The following LRRK1 variants were observed in gnomAD, a reference collection of about 807,000 sequenced individuals.
The protein encoded by LRRK1 is leucine-rich repeat serine/threonine-protein kinase 1.
LRRK1 carries 113 observed loss-of-function variants against 209.1 expected under a neutral mutation model. The ratio of observed to expected loss-of-function variants is 0.54; its 90% CI spans 0.46 to 0.63. LRRK1 has a LOEUF of 0.63. Ranked by LOEUF, LRRK1 falls within the 30% of genes least tolerant of loss-of-function variation. LRRK1 has a pLI of 0.00. For synonymous variants in LRRK1, 1,144 were observed against 1,099.7 expected, an observed-to-expected ratio of 1.04 and a Z score of -0.80; for missense variants, 2,284 against 2,632.2, an observed-to-expected ratio of 0.87 and a Z score of 2.89.
At chr15:100,959,327 C>T (rs995701979) in intron 2 of LRRK1, among the ~76,000 whole-genome samples, 36 of 152,278 alleles carry the variant, frequency 2.4e-4, no homozygotes, top group South Asian at 4.1e-4. Context: ...ACCCAGCCTG[C>T]GGGCAGCCCT....
At chr15:100,935,480 G>T (rs1306730105) in intron 2 of LRRK1, among the ~76,000 whole-genome samples, 1 of 152,128 alleles carries the variant, frequency 6.6e-6, no homozygotes, top group Non-Finnish European at 1.5e-5. Context: ...CACCAAATGG[G>T]GCTGGAGAGG....
chr15:100,940,700 T>C (rs762498761), intron 2 of LRRK1, among the ~76,000 whole-genome samples: 11 of 152,232 alleles, frequency 7.2e-5, no homozygotes, highest in Non-Finnish European at 1.6e-4. Flanking sequence ...TAATTCTGTG[T>C]AGAGAGGGGC....
intron 6 of LRRK1, among the ~76,000 whole-genome samples, chr15:100,993,111 C>T (rs2032236159): frequency 6.6e-6 from 1 of 152,150 alleles, no homozygotes; most frequent in Non-Finnish European, 1.5e-5. Context: ...AATAAAATAC[C>T]TGTCTCAGAG....
chr15:100,989,638 C>T, intron 6 of LRRK1: 1 of 581,016 alleles, frequency 1.7e-6, no homozygotes, highest in South Asian at 2.3e-5. Flanking sequence ...ACAACCCACC[C>T]TCAAAATAAC....
At chr15:101,015,237 T>C (rs2141700680) in intron 11 of LRRK1, 89 bp from the exon 12 acceptor site, 1 of 1,016,728 alleles carries the variant, frequency 9.8e-7, no homozygotes, top group East Asian at 2.5e-5. Context: ...TTGCTCCCTA[T>C]CTCCGTGGCT....
At chr15:101,025,594 C>T (rs1235717943) in intron 16 of LRRK1, among the ~76,000 whole-genome samples, 1 of 152,170 alleles carries the variant, frequency 6.6e-6, no homozygotes, top group African/African-American at 2.4e-5. Context: ...GGAAGGGGAG[C>T]CAGCATGTCA....
At chr15:101,014,269 G>A in intron 10 of LRRK1, 47 bp from the exon 11 acceptor site, 1 of 1,354,300 alleles carries the variant, frequency 7.4e-7, no homozygotes, top group Non-Finnish European at 1.0e-6. Flanking sequence ...CTCCCTTCTT[G>A]TATCTGATGC....
chr15:101,031,786 G>C (rs905857023), intron 20 of LRRK1, among the ~76,000 whole-genome samples: 5 of 151,146 alleles, frequency 3.3e-5, no homozygotes, highest in African/African-American at 1.2e-4. Context: ...CCAGACTGGA[G>C]TGCAGTGGCA....
intron 21 of LRRK1, among the ~76,000 whole-genome samples, chr15:101,047,310 A>C (rs983957307): frequency 1.3e-5 from 2 of 152,124 alleles, no homozygotes; most frequent in Admixed American, 1.3e-4. Context: ...GCGGGGAGGG[A>C]GATGGGTTAA....
At chr15:101,034,505 G>A (rs2034419139) in intron 20 of LRRK1, among the ~76,000 whole-genome samples, 1 of 152,162 alleles carries the variant, frequency 6.6e-6, no homozygotes. Context: ...ATTTATTGAA[G>A]AGGGTGTATT....
At chr15:101,037,203 T>C (rs1385689613) in intron 20 of LRRK1, among the ~76,000 whole-genome samples, 1 of 152,134 alleles carries the variant, frequency 6.6e-6, no homozygotes, top group Non-Finnish European at 1.5e-5. Flanking sequence ...AGGAAAACCT[T>C]GTAGGTCCTG....
intron 23 of LRRK1, among the ~76,000 whole-genome samples, chr15:101,051,244 T>C (rs2035416859): frequency 6.6e-6 from 1 of 152,264 alleles, no homozygotes; most frequent in African/African-American, 2.4e-5. Flanking sequence ...GTCCGGTGAC[T>C]GAGTTTCGTC....
At chr15:101,012,898 C>G (rs1453561107) in intron 10 of LRRK1, among the ~76,000 whole-genome samples, 1 of 150,342 alleles carries the variant, frequency 6.7e-6, no homozygotes, top group Non-Finnish European at 1.5e-5. Flanking sequence ...GCGGGGTGCC[C>G]CCGGGGGGGG....
intron 2 of LRRK1, among the ~76,000 whole-genome samples, chr15:100,940,430 A>G (rs1567190072): frequency 1.3e-5 from 2 of 152,082 alleles, no homozygotes; most frequent in Non-Finnish European, 1.5e-5. Flanking sequence ...AATATCTTCA[A>G]TGTCTCTCAC....
chr15:100,978,259 T>C (rs777932880), intron 3 of LRRK1, among the ~76,000 whole-genome samples: 7 of 152,098 alleles, frequency 4.6e-5, no homozygotes, highest in Non-Finnish European at 1.0e-4. Flanking sequence ...GTGAGGATTT[T>C]AACAGAAGAT....
At chr15:101,023,595 G>C (rs998997489) in intron 15 of LRRK1, among the ~76,000 whole-genome samples, 23 of 152,294 alleles carry the variant, frequency 1.5e-4, no homozygotes, top group African/African-American at 4.8e-4. Flanking sequence ...AGGGGCAAGA[G>C]GCTGCTTCAC....
chr15:100,930,105 G>A (rs986247509), intron 2 of LRRK1, among the ~76,000 whole-genome samples: 6 of 152,308 alleles, frequency 3.9e-5, no homozygotes, highest in Admixed American at 2.0e-4. Flanking sequence ...AGCAAACAAC[G>A]CCAGCCTTTC....
At chr15:101,025,126 T>C (rs2033965895) in intron 16 of LRRK1, among the ~76,000 whole-genome samples, 159 bp downstream of exon 16, 1 of 152,220 alleles carries the variant, frequency 6.6e-6, no homozygotes, top group Admixed American at 6.5e-5. Context: ...AGTGAGGCAC[T>C]TGAAACCTTC....
intron 33 of LRRK1, chr15:101,067,421 ATGTGTGTGTGTG>A (rs57333844): frequency 0.29 from 84,872 of 296,364 alleles, 10,300 homozygotes; most frequent in Non-Finnish European, 0.34. Flanking sequence ...CTCAGTTCAA[ATGTGTGTGTGTG>A]TGTGTGTGTG....
Sources: gnomAD v4.1 joint callset for allele counts (sites outside exome capture counted in the v4.1 genomes callset) on GRCh38, gnomAD v4.1.1 for gene constraint, MANE v1.5 for transcripts, NCBI Gene and HGNC (gene_info 2026-07-23, HGNC 2026-07-21) for gene names.